B4GALT5: variants seen among roughly 807,000 people sequenced by gnomAD.
B4GALT5 encodes the protein beta-1,4-galactosyltransferase 5.
B4GALT5 carries 11 observed loss-of-function variants against 45.0 expected under a neutral mutation model. That is an observed-to-expected ratio of 0.24 (90% CI 0.15 to 0.40). B4GALT5 has a LOEUF of 0.40. Ranked by LOEUF, B4GALT5 falls within the 10% of genes least tolerant of loss-of-function variation. The probability of loss-of-function intolerance (pLI) is 1.00; values close to 1 mark genes in which losing one functional copy is unlikely to be tolerated. For synonymous variants in B4GALT5, 185 were observed against 182.9 expected (o/e 1.01, Z -0.09); for missense variants, 337 against 500.2 (o/e 0.67, Z 3.11).
intron 1 of B4GALT5, among the ~76,000 whole-genome samples, chr20:49,696,744 T>G (rs1017112613): frequency 6.6e-6 from 1 of 152,236 alleles, no homozygotes; most frequent in African/African-American, 2.4e-5. Context: ...TACTGCAATT[T>G]CCTTTTATCA....
At chr20:49,674,727 A>G (rs2085730638) in intron 1 of B4GALT5, among the ~76,000 whole-genome samples, 2 of 152,070 alleles carry the variant, frequency 1.3e-5, no homozygotes, top group South Asian at 4.2e-4. Context: ...AAAGAATTGC[A>G]TTTAGTCTTT....
At chr20:49,711,456 T>C (rs2085911445) in intron 1 of B4GALT5, among the ~76,000 whole-genome samples, 1 of 152,226 alleles carries the variant, frequency 6.6e-6, no homozygotes, top group Non-Finnish European at 1.5e-5. Flanking sequence ...CATTTAGATA[T>C]AGCTGATTTA....
chr20:49,641,772 T>C (rs1391681132), intron 5 of B4GALT5, among the ~76,000 whole-genome samples: 1 of 152,176 alleles, frequency 6.6e-6, no homozygotes, highest in Non-Finnish European at 1.5e-5. Flanking sequence ...TGTCAACCTT[T>C]TGTTTATCTA....
At chr20:49,670,580 A>T (rs1464285231) in intron 1 of B4GALT5, among the ~76,000 whole-genome samples, 2 of 152,192 alleles carry the variant, frequency 1.3e-5, no homozygotes, top group Non-Finnish European at 2.9e-5. Context: ...AAAAGAATGC[A>T]ATTCTATAGC....
At chr20:49,646,171 A>C (rs1239869726) in intron 3 of B4GALT5, among the ~76,000 whole-genome samples, 8 of 152,186 alleles carry the variant, frequency 5.3e-5, no homozygotes, top group Admixed American at 5.2e-4. Flanking sequence ...CAAGTTCACA[A>C]GTTTAGAAAG....
intron 1 of B4GALT5, among the ~76,000 whole-genome samples, chr20:49,683,266 T>C (rs1453059977): frequency 1.3e-5 from 2 of 152,242 alleles, no homozygotes; most frequent in South Asian, 4.1e-4. Context: ...ATAAATGTGC[T>C]CTGTTTAGTC....
At chr20:49,669,578 C>A (rs541958122) in intron 1 of B4GALT5, among the ~76,000 whole-genome samples, 1 of 151,908 alleles carries the variant, frequency 6.6e-6, no homozygotes, top group South Asian at 2.1e-4. Context: ...TGCCTGTAAT[C>A]CCAGTTACTC....
chr20:49,664,678 T>C (rs1246669751), intron 1 of B4GALT5, among the ~76,000 whole-genome samples: 2 of 152,202 alleles, frequency 1.3e-5, no homozygotes, highest in African/African-American at 4.8e-5. Flanking sequence ...ATATCAGATA[T>C]TACTAAATGT....
rs1285350878 is a variant in B4GALT5, at chr20:49,633,651, T to C, written c.*2661A>G. On this transcript the variant is annotated 3_prime_UTR_variant, in exon 9 of 9. Coordinates refer to ENST00000371711, the MANE Select transcript of B4GALT5 (RefSeq NM_004776.4). ...TAAGCAGTGAAAAAAGACCTTTCCT[T>C]TTGTTCTCAAATCAGCATTTTCTAA... 2 of 152,164 alleles carry C rather than the reference T, an allele frequency of 1.3e-5. No individual in the cohort carries two copies. The highest frequency in any genetic ancestry group is 1.9e-4 in the East Asian group (1 of 5,200). The allele number at this position is 152,164 out of a possible 1,614,324, so 9.4% of individuals were successfully genotyped here.
In B4GALT5 at chr20:49,713,585, G is replaced by A; in HGVS notation, c.106C>T (p.Pro36Ser). ...CAAGCCCCCTTCCTACCTATGCCGG[G>A]CGCCACATAGACGAAGTACAGCAGC... is the stretch of plus-strand genomic sequence containing the variant. ...SSLLYFVYVAPGIVNTYLFMM... is the reference protein window; with the variant it reads ...SSLLYFVYVASGIVNTYLFMM... The change falls in exon 1 of 9, where the codon CCC (proline) becomes TCC (serine). Residue 36 changes from proline to serine, a missense_variant. Transcript: ENST00000371711. 6.3e-7 allele frequency: 1 copy of A among 1,584,376 alleles called. No homozygotes were observed. Among genetic ancestry groups the A allele is most frequent in the Non-Finnish European group, 8.6e-7 (1 of 1,166,620 alleles).
At chr20:49,686,362 A>G (rs888957029) in intron 1 of B4GALT5, among the ~76,000 whole-genome samples, 9 of 152,144 alleles carry the variant, frequency 5.9e-5, no homozygotes. Context: ...AGATCCAATG[A>G]AGACAGACTG....
intron 1 of B4GALT5, among the ~76,000 whole-genome samples, chr20:49,696,191 CTTGACAAACTAGAG>C (rs1301722969): frequency 6.6e-6 from 1 of 152,140 alleles, no homozygotes; most frequent in Non-Finnish European, 1.5e-5. Flanking sequence ...TTTACTCACT[CTTGACAAACTAGAG>C]AAAAAATAAC....
chr20:49,649,191 AG>A lies in B4GALT5; in HGVS notation c.251-2114del, dbSNP rs2085611142. Among the ~76,000 whole-genome samples the A allele has an allele frequency of 4.6e-5, 7 of 152,356 alleles. No homozygotes were observed. In the South Asian group the frequency reaches 1.4e-3, roughly 32 times the overall value. On this transcript the variant is annotated intron_variant, in intron 2 of 8. Coordinates refer to ENST00000371711, the MANE Select transcript of B4GALT5 (RefSeq NM_004776.4). ...ATTTTAACTGTGTCTTAACAAGGGAAGGAACAGAATGCTTTCTGTCCTTTTC... is the reference window on the plus strand; with the variant it reads ...ATTTTAACTGTGTCTTAACAAGGGAAGAACAGAATGCTTTCTGTCCTTTTC...
chr20:49,668,646 C>CT (rs2085702460), intron 1 of B4GALT5, among the ~76,000 whole-genome samples: 1 of 152,026 alleles, frequency 6.6e-6, no homozygotes, highest in South Asian at 2.1e-4. Context: ...TGGGAATGTG[C>CT]TAGAGGCACA....
intron 2 of B4GALT5, among the ~76,000 whole-genome samples, chr20:49,656,043 G>A (rs1423068786): frequency 6.6e-6 from 1 of 152,104 alleles, no homozygotes; most frequent in Non-Finnish European, 1.5e-5. Flanking sequence ...AATGATGGAG[G>A]TGGGGCCTAC....
At chr20:49,663,686 A>AG (rs1310722150) in intron 1 of B4GALT5, among the ~76,000 whole-genome samples, 244 of 7,536 alleles carry the variant, frequency 0.032, 29 homozygotes, top group African/African-American at 0.073. Context: ...AAAAAAAAAA[A>AG]AAAAATATAT....
intron 1 of B4GALT5, among the ~76,000 whole-genome samples, chr20:49,666,827 TTACCCCC>T (rs1024823261): frequency 6.6e-6 from 1 of 152,174 alleles, no homozygotes; most frequent in Non-Finnish European, 1.5e-5. Flanking sequence ...TAATTCAACC[TTACCCCC>T]AAACAAGCAG....
At chr20:49,653,077 T>A (rs2085628739) in intron 2 of B4GALT5, among the ~76,000 whole-genome samples, 1 of 152,250 alleles carries the variant, frequency 6.6e-6, no homozygotes. Context: ...CAGTACAGGT[T>A]GAGTATCCCC....
chr20:49,640,971 T>C (rs2085574665), intron 5 of B4GALT5, among the ~76,000 whole-genome samples: 1 of 152,148 alleles, frequency 6.6e-6, no homozygotes, highest in Non-Finnish European at 1.5e-5. Flanking sequence ...AAACATTAGC[T>C]AGGCGTAGTG....
Sources: allele counts gnomAD v4.1 joint callset (sites outside exome capture counted in the v4.1 genomes callset), GRCh38; gene constraint gnomAD v4.1.1; transcripts MANE v1.5; gene names NCBI Gene and HGNC (gene_info 2026-07-23, HGNC 2026-07-21).